The following GBE1 variants were observed in gnomAD, a reference collection of about 807,000 sequenced individuals.
GBE1 encodes the protein 1,4-alpha-glucan branching enzyme 1.
A neutral mutation model predicts 88.8 loss-of-function variants in GBE1; 70 were observed. The ratio of observed to expected loss-of-function variants is 0.79; its 90% CI spans 0.65 to 0.96. The LOEUF is 0.96. Among genes scored for constraint, GBE1 ranks in the 40% least tolerant of loss-of-function variants. The pLI is 0.00. For synonymous variants in GBE1, 284 were observed against 300.1 expected, an observed-to-expected ratio of 0.95 and a Z score of 0.56; for missense variants, 872 against 871.0, an observed-to-expected ratio of 1.00 and a Z score of -0.01.
intron 12 of GBE1, among the ~76,000 whole-genome samples, chr3:81,539,690 G>A (rs574403780): frequency 6.6e-6 from 1 of 152,124 alleles, no homozygotes; most frequent in South Asian, 2.1e-4. Flanking sequence ...AATGGCGACA[G>A]TGAGGAAAAG....
intron 9 of GBE1, among the ~76,000 whole-genome samples, chr3:81,590,209 A>C (rs1396856269): frequency 6.6e-6 from 1 of 152,078 alleles, no homozygotes; most frequent in Non-Finnish European, 1.5e-5. Context: ...CAGGAAGGAG[A>C]CTATTCCATT....
At chr3:81,664,473 G>C (rs976480455) in intron 3 of GBE1, among the ~76,000 whole-genome samples, 2 of 146,496 alleles carry the variant, frequency 1.4e-5, no homozygotes, top group African/African-American at 5.0e-5. Flanking sequence ...CCAGCACTAC[G>C]AAGACAAATA....
intron 1 of GBE1, among the ~76,000 whole-genome samples, chr3:81,714,280 A>G (rs1442159594): frequency 6.6e-6 from 1 of 152,192 alleles, no homozygotes; most frequent in Admixed American, 6.6e-5. Flanking sequence ...GGTTAGAGTT[A>G]GGTTTAAGAT....
chr3:81,536,279 T>C (rs901409197), intron 13 of GBE1, among the ~76,000 whole-genome samples: 1 of 151,862 alleles, frequency 6.6e-6, no homozygotes, highest in Non-Finnish European at 1.5e-5. Flanking sequence ...AGCCCCAGTA[T>C]AAAGTAAATG....
At chr3:81,556,333 T>A (rs1250668676) in intron 12 of GBE1, among the ~76,000 whole-genome samples, 1 of 151,012 alleles carries the variant, frequency 6.6e-6, no homozygotes, top group Non-Finnish European at 1.5e-5. Context: ...AAAAAAAAAA[T>A]CCAAGAGAAT....
At chr3:81,612,500 T>C in intron 7 of GBE1, 6 of 1,020,308 alleles carry the variant, frequency 5.9e-6, no homozygotes, top group Non-Finnish European at 9.0e-6. Flanking sequence ...TCTGGTCAAA[T>C]AATGCAGTGC....
intron 2 of GBE1, among the ~76,000 whole-genome samples, chr3:81,691,644 T>C (rs558198839): frequency 1.4e-3 from 220 of 152,076 alleles, no homozygotes; most frequent in African/African-American, 5.1e-3. Flanking sequence ...TGGCGTATGA[T>C]AGCACACGCC....
intron 1 of GBE1, among the ~76,000 whole-genome samples, chr3:81,718,325 A>G (rs927099415): frequency 6.6e-6 from 1 of 152,154 alleles, no homozygotes; most frequent in Non-Finnish European, 1.5e-5. Flanking sequence ...CAGAAAAAAT[A>G]ATAATAATTT....
intron 14 of GBE1, among the ~76,000 whole-genome samples, chr3:81,521,425 T>C (rs1379546895): frequency 6.6e-6 from 1 of 151,618 alleles, no homozygotes; most frequent in East Asian, 1.9e-4. Flanking sequence ...ACCAATGGCA[T>C]AGAATATTTT....
rs144614060 is a variant in GBE1 at position 81,711,854 on chromosome 3, T to G, written c.144-6241A>C. Among the ~76,000 whole-genome samples, 488 of 151,900 alleles carry G rather than the reference T, an allele frequency of 3.2e-3. 4 individuals are homozygous for G. Among genetic ancestry groups the G allele is most frequent in the African/African-American group, 0.011 (469 of 41,468 alleles). On this transcript the variant is annotated intron_variant, in intron 1 of 15. Coordinates refer to ENST00000429644, the MANE Select transcript of GBE1 (RefSeq NM_000158.4). ...TCTGCACAGCAAAAGAAACTACCAT[T>G]GAAGTGAACAGACAACCTACAGAAT...
At chr3:81,591,795 C>T (rs905019319) in intron 8 of GBE1, among the ~76,000 whole-genome samples, 2 of 151,988 alleles carry the variant, frequency 1.3e-5, no homozygotes, top group Non-Finnish European at 2.9e-5. Flanking sequence ...ATAATAAAAT[C>T]AAATTTGTGC....
intron 7 of GBE1, among the ~76,000 whole-genome samples, chr3:81,619,198 G>A (rs1315573019): frequency 6.6e-6 from 1 of 151,910 alleles, no homozygotes; most frequent in East Asian, 1.9e-4. Flanking sequence ...TCAGCACCAT[G>A]GCTAAACTAT....
intron 1 of GBE1, among the ~76,000 whole-genome samples, chr3:81,708,527 T>C (rs1233150237): frequency 6.6e-6 from 1 of 152,068 alleles, no homozygotes; most frequent in Non-Finnish European, 1.5e-5. Flanking sequence ...TCTATATGGA[T>C]GGGATATGGT....
intron 2 of GBE1, among the ~76,000 whole-genome samples, chr3:81,684,049 C>G (rs1194680493): frequency 6.6e-6 from 1 of 152,162 alleles, no homozygotes; most frequent in African/African-American, 2.4e-5. Context: ...GTCCTTAGTG[C>G]TTGACATTCG....
intron 12 of GBE1, among the ~76,000 whole-genome samples, chr3:81,546,232 A>C (rs1388564979): frequency 6.6e-6 from 1 of 152,026 alleles, no homozygotes; most frequent in Non-Finnish European, 1.5e-5. Flanking sequence ...ACACACACAC[A>C]CAAACTCACA....
At chr3:81,687,944 A>C (rs555325281) in intron 2 of GBE1, among the ~76,000 whole-genome samples, 1 of 152,306 alleles carries the variant, frequency 6.6e-6, no homozygotes, top group African/African-American at 2.4e-5. Context: ...CTTTTACACA[A>C]TAAAGTTTGA....
intron 7 of GBE1, chr3:81,612,220 T>TAAAAAA (rs11404629): frequency 0.012 from 2,903 of 240,606 alleles, 7 homozygotes; most frequent in Non-Finnish European, 0.014. Context: ...CACGCTCCTT[T>TAAAAAA]AAAAAAAAAA....
intron 7 of GBE1, among the ~76,000 whole-genome samples, chr3:81,632,326 T>C (rs1704525657): frequency 6.6e-6 from 1 of 151,882 alleles, no homozygotes; most frequent in Non-Finnish European, 1.5e-5. Context: ...AGAGCTAATA[T>C]CCAGAGTCTA....
intron 6 of GBE1, among the ~76,000 whole-genome samples, chr3:81,644,520 T>C (rs1704738482): frequency 6.6e-6 from 1 of 151,978 alleles, no homozygotes; most frequent in African/African-American, 2.4e-5. Context: ...AGAAAAGAGG[T>C]GAGCTCTAAG....
Sources: gnomAD v4.1 joint callset for allele counts (sites outside exome capture counted in the v4.1 genomes callset) on GRCh38, gnomAD v4.1.1 for gene constraint, MANE v1.5 for transcripts, NCBI Gene and HGNC (gene_info 2026-07-23, HGNC 2026-07-21) for gene names.